SLC66A1: variants seen among roughly 807,000 people sequenced by gnomAD.
SLC66A1 encodes the protein solute carrier family 66 member 1.
Under a neutral mutation model 33.0 loss-of-function variants are expected in SLC66A1, and 23 were observed. The observed-to-expected ratio is 0.70, with a 90% CI of 0.50 to 0.99. The LOEUF is 0.99. SLC66A1 is among the 50% of genes least tolerant of loss of function. The pLI is 0.00. For synonymous variants in SLC66A1, 164 were observed against 175.5 expected (o/e 0.93, Z 0.52); for missense variants, 335 against 383.6 (o/e 0.87, Z 1.06).
At chr1:19,326,127 A>C in intron 4 of SLC66A1, 118 bp from the exon 5 acceptor site, 1 of 868,224 alleles carries the variant, frequency 1.2e-6, no homozygotes, top group South Asian at 1.6e-5. Context: ...CAGAGAGGTT[A>C]GGTCACTTGC....
intron 1 of SLC66A1, among the ~76,000 whole-genome samples, chr1:19,317,343 A>C (rs1347321423): frequency 6.6e-6 from 1 of 152,190 alleles, no homozygotes; most frequent in Non-Finnish European, 1.5e-5. Flanking sequence ...ATGGGTGATG[A>C]AGCAGGGATT....
At position 19,325,577 on chromosome 1, in the gene SLC66A1, C is replaced by T; in HGVS notation, c.377C>T (p.Ser126Phe). 1 of 1,586,086 alleles carries T rather than the reference C, an allele frequency of 6.3e-7. No homozygotes were observed. The part of the protein sequence containing the change: ...YFYYKFRTRP[S>F]LLSAPINSVL... The stretch of plus-strand genomic sequence containing the variant: ...TACTACAAGTTCAGGACGCGCCCCT[C>T]TCTGTGTGAGTATGGGGACCGCTCT... Residue 126 changes from serine (S) to phenylalanine (F), a missense_variant, in exon 4 of 8, where the codon TCT becomes TTT. Coordinates refer to ENST00000375153, the MANE Select transcript of SLC66A1 (RefSeq NM_001040125.2).
downstream of SLC66A1, among the ~76,000 whole-genome samples, chr1:19,333,162 C>T (rs2093897125): frequency 6.6e-6 from 1 of 152,126 alleles, no homozygotes; most frequent in Admixed American, 6.6e-5. The surrounding 1 kb of genome is among the most constrained non-coding windows in gnomAD (Gnocchi z 4.2). Flanking sequence ...GGACCCCGCG[C>T]CCTCCCTGGC....
At chr1:19,332,753 C>T (rs568604981), downstream of SLC66A1, among the ~76,000 whole-genome samples, 1 of 152,342 alleles carries the variant, frequency 6.6e-6, no homozygotes, top group South Asian at 2.1e-4. Context: ...CTTACACCTC[C>T]TGCTCCTTCC....
rs778880452 is a variant in SLC66A1, at chr1:19,325,516, G to A, written c.316G>A (p.Val106Ile). Residue 106 changes from valine to isoleucine, a missense_variant, in exon 4 of 8, where the codon GTC becomes ATC. Val to Ile is a conservative substitution (Grantham distance 29). Transcript: ENST00000375153. ...ACAGACCTACACGGCTGTGTATTAT[G>A]TCTTGGCAGACCTGGTGATGCTGAC... ...PLQTYTAVYYVLADLVMLTLY... is the reference protein window; with the variant it reads ...PLQTYTAVYYILADLVMLTLY... 3 of 1,610,414 alleles carry A rather than the reference G, an allele frequency of 1.9e-6. No individual in the cohort carries two copies. The highest frequency in any genetic ancestry group is 2.2e-5 in the East Asian group (1 of 44,874).
chr1:19,334,347 A>G, the SLC66A1 span, among the ~76,000 whole-genome samples: 1 of 152,196 alleles, frequency 6.6e-6, no homozygotes, highest in Non-Finnish European at 1.5e-5. Flanking sequence ...TGGTATGTGA[A>G]TTATATCTCA....
chr1:19,326,114 G>T (rs2093864612), intron 4 of SLC66A1, 131 bp from the exon 5 acceptor site: 1 of 780,586 alleles, frequency 1.3e-6, no homozygotes, highest in Non-Finnish European at 2.1e-6. Context: ...AAGAATGAAA[G>T]CTCAGAGAGG....
chr1:19,333,608 G>A (rs75009321), downstream of SLC66A1, among the ~76,000 whole-genome samples: 1,388 of 152,254 alleles, frequency 9.1e-3, 15 homozygotes, highest in Non-Finnish European at 0.014. This position sits in a 1 kb window ranked among gnomAD's most constrained non-coding sequence, Gnocchi z 4.2. Flanking sequence ...CAGAGGTGCC[G>A]GGTGACAGCC....
chr1:19,314,805 C>T (rs775880976), intron 1 of SLC66A1, among the ~76,000 whole-genome samples: 12 of 152,268 alleles, frequency 7.9e-5, no homozygotes, highest in Middle Eastern at 6.8e-3. Context: ...GGGGGTGCAC[C>T]CCAGTTGGCA....
intron 6 of SLC66A1, 27 bp downstream of exon 6, chr1:19,326,650 G>A (rs1467450458): frequency 6.2e-7 from 1 of 1,610,362 alleles, no homozygotes; most frequent in African/African-American, 1.3e-5. Flanking sequence ...GGCTGGGTGG[G>A]GCCGAGTAGA....
At chr1:19,326,122 A>C (rs2093864672) in intron 4 of SLC66A1, 123 bp from the exon 5 acceptor site, 2 of 816,982 alleles carry the variant, frequency 2.4e-6, no homozygotes, top group African/African-American at 3.4e-5. Context: ...AAGCTCAGAG[A>C]GGTTAGGTCA....
rs1172746099 is a variant in SLC66A1 at position 19,321,416 on chromosome 1, G to A, written c.165-3217G>A. Among the ~76,000 whole-genome samples the A allele has an allele frequency of 2.0e-5, 3 of 149,208 alleles. 1 individual carries two copies. The highest frequency in any genetic ancestry group is 4.4e-5 in the Non-Finnish European group (3 of 67,926). On this transcript the variant is annotated intron_variant, in intron 2 of 7. Transcript: ENST00000375153. Reference sequence around the variant, plus strand: ...GCTGGTCTCAAACTCCTAGATTTAAGCAATCCTCCTGTCTCAGCCTCCAAA... The same window carrying A: ...GCTGGTCTCAAACTCCTAGATTTAAACAATCCTCCTGTCTCAGCCTCCAAA...
downstream of SLC66A1, among the ~76,000 whole-genome samples, chr1:19,331,448 G>A (rs77048956): frequency 7.9e-3 from 1,210 of 152,258 alleles, 9 homozygotes; most frequent in African/African-American, 0.026. Context: ...CAACGCTGGC[G>A]GCCCGTGTCC....
At chr1:19,318,298 T>C (rs902727387) in intron 2 of SLC66A1, among the ~76,000 whole-genome samples, 11 of 152,170 alleles carry the variant, frequency 7.2e-5, no homozygotes, top group Non-Finnish European at 1.5e-4. Context: ...CTCCAGACTT[T>C]GACAGTCTCG....
At chr1:19,330,091 C>A (rs78743791), downstream of SLC66A1, among the ~76,000 whole-genome samples, 32,618 of 152,096 alleles carry the variant, frequency 0.21, 4,116 homozygotes, top group South Asian at 0.33. Flanking sequence ...CTCAGCCTCC[C>A]GAGGAGCTGG....
intron 6 of SLC66A1, among the ~76,000 whole-genome samples, 167 bp from the exon 7 acceptor site, chr1:19,327,060 G>A (rs2093872036): frequency 6.6e-6 from 1 of 152,224 alleles, no homozygotes. Flanking sequence ...TTGTCTGTGG[G>A]TGGGAGGAGG....
intron 4 of SLC66A1, 65 bp downstream of exon 4, chr1:19,325,647 G>A: frequency 8.4e-7 from 1 of 1,190,478 alleles, no homozygotes; most frequent in Admixed American, 2.0e-5. Context: ...GTGGGGGGGG[G>A]CGCCTGGAGT....
chr1:19,324,332 C>T (rs1162229142), intron 2 of SLC66A1, among the ~76,000 whole-genome samples: 1 of 152,238 alleles, frequency 6.6e-6, no homozygotes, highest in Admixed American at 6.5e-5. Flanking sequence ...ACATAAGCCC[C>T]AGATCCCCAC....
At chr1:19,331,071 G>A (rs1247106582), downstream of SLC66A1, among the ~76,000 whole-genome samples, 1 of 152,170 alleles carries the variant, frequency 6.6e-6, no homozygotes, top group African/African-American at 2.4e-5. Flanking sequence ...GAGTGCAATG[G>A]TGCGATCTCA....
Sources: gnomAD v4.1 joint callset for allele counts (sites outside exome capture counted in the v4.1 genomes callset) on GRCh38, gnomAD v4.1.1 for gene constraint, Gnocchi (gnomAD v3.1) non-coding constraint, MANE v1.5 for transcripts, NCBI Gene and HGNC (gene_info 2026-07-23, HGNC 2026-07-21) for gene names.